The following VWF variants were observed in gnomAD, a reference collection of about 807,000 sequenced individuals.
VWF encodes von Willebrand factor.
In VWF, 176 loss-of-function variants were observed where a neutral mutation model predicts 308.6. The ratio of observed to expected loss-of-function variants is 0.57; its 90% confidence interval spans 0.50 to 0.65. The LOEUF (loss-of-function observed/expected upper bound fraction) is 0.65, where lower values mean the gene tolerates loss of function less well. Ranked by LOEUF, VWF falls within the 30% of genes least tolerant of loss-of-function variation. The pLI is 0.00. For synonymous variants in VWF, 1,385 were observed against 1,443.4 expected (o/e 0.96, Z 0.92); for missense variants, 3,146 against 3,648.2 (o/e 0.86, Z 3.55).
intron 18 of VWF, among the ~76,000 whole-genome samples, chr12:6,039,853 T>C (rs1426004929): frequency 2.0e-5 from 3 of 152,130 alleles, no homozygotes; most frequent in African/African-American, 4.8e-5. Context: ...ATCAGGGACA[T>C]AACCACACTT....
intron 6 of VWF, among the ~76,000 whole-genome samples, chr12:6,086,523 CAA>C (rs1944973734): frequency 6.6e-6 from 1 of 152,176 alleles, no homozygotes; most frequent in Non-Finnish European, 1.5e-5. Context: ...CTATGAATCA[CAA>C]CTATGCTACC....
At chr12:5,966,677 G>C (rs940002980) in intron 47 of VWF, among the ~76,000 whole-genome samples, 1 of 150,274 alleles carries the variant, frequency 6.7e-6, no homozygotes, top group Admixed American at 6.7e-5. Flanking sequence ...TCACCGAGCT[G>C]AGGGAGACAA....
intron 6 of VWF, among the ~76,000 whole-genome samples, chr12:6,077,830 AG>A (rs752263461): frequency 7.8e-4 from 119 of 152,236 alleles, no homozygotes; most frequent in African/African-American, 2.9e-3. Context: ...AGACTGACAG[AG>A]GTGGGCAGGC....
chr12:5,983,069 A>G, intron 41 of VWF, 81 bp downstream of exon 41: 2 of 1,372,376 alleles, frequency 1.5e-6, no homozygotes, highest in Non-Finnish European at 2.0e-6. Context: ...GTGATCTTGG[A>G]AGAGGTCCCT....
At chr12:6,081,307 G>C (rs1342818456) in intron 6 of VWF, among the ~76,000 whole-genome samples, 1 of 152,060 alleles carries the variant, frequency 6.6e-6, no homozygotes, top group African/African-American at 2.4e-5. Context: ...CATGGAGTGG[G>C]TAAAGAATTT....
At chr12:6,061,475 A>T (rs1372294372) in intron 13 of VWF, among the ~76,000 whole-genome samples, 29 of 147,052 alleles carry the variant, frequency 2.0e-4, no homozygotes, top group Admixed American at 1.5e-3. Flanking sequence ...TAAAAGGAAA[A>T]AAAAAAAAAA....
intron 29 of VWF, 35 bp downstream of exon 29, chr12:6,016,719 C>CGTCA: frequency 6.2e-7 from 1 of 1,614,236 alleles, no homozygotes; most frequent in South Asian, 1.1e-5. Context: ...AGAGCCTCTT[C>CGTCA]GTCACCTGCT....
rs1943219823 is a variant in VWF at position 5,953,735 on chromosome 12, C to A, written c.7888-141G>T. Reference sequence around the variant, plus strand: ...TCGGAAAGTCAACATCCAACTCCAACCAGCTTTTGTCAGTTCTCAGTCCCC... The same window carrying A: ...TCGGAAAGTCAACATCCAACTCCAAACAGCTTTTGTCAGTTCTCAGTCCCC... On this transcript the variant is annotated intron_variant, in intron 47 of 51. Coordinates refer to ENST00000261405, the MANE Select transcript of VWF (RefSeq NM_000552.5). 4.2e-6 allele frequency: 3 copies of A among 715,630 alleles called. No individual in the cohort carries two copies. The South Asian group carries it at 4.7e-5, about 11-fold the overall frequency. 44.3% of individuals were successfully genotyped at this position (715,630 alleles called of 1,614,324 possible).
intron 38 of VWF, 122 bp from the exon 39 acceptor site, chr12:5,985,787 A>T (rs1254400198): frequency 1.1e-6 from 1 of 900,696 alleles, no homozygotes; most frequent in East Asian, 2.6e-5. Context: ...CCTCTGACAG[A>T]GCCTCACAGG....
chr12:6,089,234 CT>C lies in VWF; in HGVS notation c.657+6225del, dbSNP rs375875712. On this transcript the variant is annotated intron_variant, in intron 6 of 51. Coordinates refer to ENST00000261405, the MANE Select transcript of VWF (RefSeq NM_000552.5). ...ACCTCTTGGGAGACGAGTCATTGTG[CT>C]TCCGAGCCAGTGAAAAAACCTCGGT... Among the ~76,000 whole-genome samples the C allele has an allele frequency of 3.9e-4, 60 of 152,318 alleles. 1 individual carries two copies. The East Asian group carries it at 0.011, about 29-fold the overall frequency.
intron 47 of VWF, among the ~76,000 whole-genome samples, chr12:5,955,392 A>G (rs1943236575): frequency 7.4e-6 from 1 of 134,254 alleles, no homozygotes; most frequent in Non-Finnish European, 1.6e-5. Flanking sequence ...ACCAGTCCCC[A>G]GAGTGTGATG....
intron 6 of VWF, 90 bp downstream of exon 6, chr12:6,095,370 C>G (rs755846302): frequency 1.3e-5 from 20 of 1,596,374 alleles, no homozygotes; most frequent in East Asian, 9.0e-5. Context: ...ATTCCTCCCC[C>G]AGATGGAAGG....
intron 5 of VWF, among the ~76,000 whole-genome samples, chr12:6,098,810 G>A (rs536875829): frequency 6.6e-6 from 1 of 151,996 alleles, no homozygotes; most frequent in South Asian, 2.1e-4. Flanking sequence ...AAAAGAAAGA[G>A]GGGGAAAGGA....
chr12:6,090,498 C>T (rs372469782), intron 6 of VWF, among the ~76,000 whole-genome samples: 4 of 152,248 alleles, frequency 2.6e-5, no homozygotes, highest in South Asian at 2.1e-4. Flanking sequence ...GCTTAAAGCC[C>T]GGCGTGTGCT....
intron 5 of VWF, among the ~76,000 whole-genome samples, chr12:6,108,332 T>TACAC (rs553993725): frequency 0.026 from 1,257 of 49,032 alleles, 19 homozygotes; most frequent in African/African-American, 0.065. Context: ...GAAAGAAATA[T>TACAC]ATACACACAC....
In VWF at chr12:6,023,607, G is replaced by A. The variant is rs573237000; in HGVS notation, c.3379+24C>T. 5 of 1,613,468 alleles carry A rather than the reference G, an allele frequency of 3.1e-6. No homozygotes were observed. In the Admixed American group the frequency reaches 8.3e-5, roughly 27 times the overall value. Reference sequence around the variant, plus strand: ...CATGGGAAGAAGGGAGGGCATCTGAGAACATGAGGGCGTCAGTACTCACGG... The same window carrying A: ...CATGGGAAGAAGGGAGGGCATCTGAAAACATGAGGGCGTCAGTACTCACGG... On this transcript the variant is annotated intron_variant, in intron 25 of 51. Transcript: ENST00000261405.
intron 15 of VWF, 115 bp downstream of exon 15, chr12:6,056,742 A>T: frequency 2.1e-6 from 2 of 943,904 alleles, no homozygotes; most frequent in Non-Finnish European, 2.8e-6. Flanking sequence ...CGTGTTTGTC[A>T]CAATGCCCTA....
rs373230261 is a variant in VWF, at chr12:6,073,796, C to T, written c.875-55G>A. The T allele has an allele frequency of 1.7e-5, 27 of 1,611,004 alleles. No individual in the cohort carries two copies. In the African/African-American group the frequency reaches 3.5e-4, roughly 21 times the overall value. ...AGGGCAGGTCCCACCGGTGCATCAT[C>T]TCACCAGCCATGCCACAGCCTGAGC... On this transcript the variant is annotated intron_variant, in intron 7 of 51. Transcript: ENST00000261405.
chr12:6,078,209 G>A (rs376294519), intron 6 of VWF, among the ~76,000 whole-genome samples: 14 of 152,234 alleles, frequency 9.2e-5, no homozygotes, highest in African/African-American at 3.4e-4. Context: ...AATGGTTGCC[G>A]AGCATTATCA....
Sources: gnomAD v4.1 joint callset for allele counts (sites outside exome capture counted in the v4.1 genomes callset) on GRCh38, gnomAD v4.1.1 for gene constraint, MANE v1.5 for transcripts, NCBI Gene and HGNC (gene_info 2026-07-23, HGNC 2026-07-21) for gene names.